SLC12A7: variants seen among roughly 807,000 people sequenced by gnomAD.
SLC12A7 encodes the protein solute carrier family 12 member 7, also known as K-Cl cotransporter 4.
Under a neutral mutation model 120.6 loss-of-function variants are expected in SLC12A7, and 100 were observed. That is an observed-to-expected ratio of 0.83 (90% confidence interval 0.71 to 0.98). The LOEUF (loss-of-function observed/expected upper bound fraction) is 0.98. Among genes scored for constraint, SLC12A7 ranks in the 50% least tolerant of loss-of-function variants. The pLI, the probability that SLC12A7 is intolerant of heterozygous loss-of-function variation, is 0.00. For missense variants in SLC12A7, 1,373 were observed against 1,548.1 expected (o/e 0.89, Z 1.90); for synonymous variants, 760 against 678.0 (o/e 1.12, Z -1.88).
At chr5:1,132,040 G>A in the SLC12A7 span, among the ~76,000 whole-genome samples, 3 of 152,324 alleles carry the variant, frequency 2.0e-5, no homozygotes, top group East Asian at 1.9e-4. Context: ...GAGACGGGAC[G>A]ACCGCGCAAG....
chr5:1,100,458 T>C (rs1579432413), intron 1 of SLC12A7, among the ~76,000 whole-genome samples: 1 of 152,288 alleles, frequency 6.6e-6, no homozygotes, highest in South Asian at 2.1e-4. Flanking sequence ...CCTGGGTTAC[T>C]CCACAGCACA....
chr5:1,085,777 AC>A (rs1470857437), intron 6 of SLC12A7, among the ~76,000 whole-genome samples: 2 of 152,106 alleles, frequency 1.3e-5, no homozygotes, highest in African/African-American at 4.8e-5. Flanking sequence ...CCCAGGAACC[AC>A]CCGGGAGCCT....
At chr5:1,080,269 GCCCTCCACCCA>G (rs1738880160) in intron 9 of SLC12A7, among the ~76,000 whole-genome samples, 1 of 97,052 alleles carries the variant, frequency 1.0e-5, no homozygotes, top group Admixed American at 8.8e-5. Context: ...CTGCCCCCAC[GCCCTCCACCCA>G]CGGCGCGGAG....
intron 1 of SLC12A7, among the ~76,000 whole-genome samples, chr5:1,105,569 C>CAGCTCATCGTTCAGG (rs1424130179): frequency 2.0e-5 from 3 of 152,386 alleles, no homozygotes; most frequent in African/African-American, 7.2e-5. Flanking sequence ...GCCAGCCAGG[C>CAGCTCATCGTTCAGG]AGCTCATCGT....
chr5:1,078,609 C>T lies in SLC12A7; in HGVS notation c.1454+92G>A, dbSNP rs544801171. 6.6e-5 allele frequency: 70 copies of T among 1,064,630 alleles called. No homozygotes were observed. In the South Asian group the frequency reaches 8.4e-4, roughly 13 times the overall value. 65.9% of individuals were successfully genotyped at this position (1,064,630 alleles called of 1,614,324 possible). On this transcript the variant is annotated intron_variant, in intron 11 of 23. Transcript: ENST00000264930. ...TCAGCTCTGCACGCGGACATGAAGT[C>T]CTAGGGCGATGTAATTTCAAAGCCG...
chr5:1,125,463 T>TA, the SLC12A7 span, among the ~76,000 whole-genome samples: 6 of 152,156 alleles, frequency 3.9e-5, no homozygotes, highest in Non-Finnish European at 4.4e-5. Context: ...GTCAACATGT[T>TA]AGAAATTGTA....
At chr5:1,099,909 G>A (rs991542737) in intron 1 of SLC12A7, among the ~76,000 whole-genome samples, 8 of 152,184 alleles carry the variant, frequency 5.3e-5, no homozygotes, top group African/African-American at 1.9e-4. Flanking sequence ...GAATTCCGGG[G>A]TCCCCCAGGC....
In SLC12A7 at chr5:1,111,880, G is replaced by C. The variant is rs1020853881; in HGVS notation, c.112C>G (p.Arg38Gly). 5 of 1,220,760 alleles carry C rather than the reference G, an allele frequency of 4.1e-6. No homozygotes were observed. In the Admixed American group the frequency reaches 2.2e-4, roughly 53 times the overall value. The allele number at this position is 1,220,760 out of a possible 1,614,324, so 75.6% of individuals were successfully genotyped here. A position where few individuals can be genotyped will look rare whatever the true frequency, so the allele number is the denominator to read the frequency against. The change falls in exon 1 of 24, where the codon CGC (arginine) becomes GGC (glycine). Residue 38 changes from arginine to glycine, a missense_variant. Arg to Gly is a moderately radical substitution (Grantham distance 125). Transcript: ENST00000264930. The stretch of plus-strand genomic sequence containing the variant: ...CGGCCGCGCTCACCCGGGCTGGGGC[G>C]CTCGGGCTCGGGGCCCTCGGGGGTG... ...PGTPEGPEPE[R>G]PSPGDGNPRE...
At chr5:1,115,532 C>T (rs1024551322), upstream of SLC12A7, among the ~76,000 whole-genome samples, 15 of 152,192 alleles carry the variant, frequency 9.9e-5, no homozygotes, top group South Asian at 2.1e-4. Flanking sequence ...TCTCCTGGTG[C>T]GCCATCTGCA....
the SLC12A7 span, among the ~76,000 whole-genome samples, chr5:1,130,689 G>A: frequency 1.3e-5 from 2 of 150,430 alleles, no homozygotes; most frequent in African/African-American, 2.5e-5. Flanking sequence ...TGCCTGCCCA[G>A]AGGGAGCAGC....
the SLC12A7 span, among the ~76,000 whole-genome samples, chr5:1,119,908 G>T: frequency 6.6e-6 from 1 of 152,100 alleles, no homozygotes; most frequent in Non-Finnish European, 1.5e-5. Context: ...CTGCCTCCCC[G>T]CAAAAATCCA....
upstream of SLC12A7, among the ~76,000 whole-genome samples, chr5:1,113,263 G>A (rs191597069): frequency 4.6e-5 from 7 of 152,342 alleles, no homozygotes; most frequent in East Asian, 3.9e-4. Context: ...CTCTTGTCAC[G>A]TGGAAAATGG....
intron 1 of SLC12A7, among the ~76,000 whole-genome samples, chr5:1,100,716 G>A (rs60833263): frequency 0.42 from 63,199 of 152,118 alleles, 14,929 homozygotes; most frequent in Non-Finnish European, 0.55. Context: ...GGCTAACCAC[G>A]AGAGAAAACA....
intron 1 of SLC12A7, among the ~76,000 whole-genome samples, chr5:1,094,781 T>G (rs967283366): frequency 6.6e-6 from 1 of 152,168 alleles, no homozygotes; most frequent in Admixed American, 6.5e-5. Context: ...TGTTCCCTGT[T>G]GAGGACGCCG....
chr5:1,099,388 A>G (rs67037922), intron 1 of SLC12A7, among the ~76,000 whole-genome samples: 18,606 of 58,398 alleles, frequency 0.32, 2,249 homozygotes, highest in African/African-American at 0.41. Flanking sequence ...TCCGGGGGAC[A>G]GCAGGGCCCG....
chr5:1,058,246 G>C (rs140942933), intron 21 of SLC12A7, among the ~76,000 whole-genome samples: 1 of 152,244 alleles, frequency 6.6e-6, no homozygotes, highest in Non-Finnish European at 1.5e-5. Flanking sequence ...AGCTGTAGGC[G>C]CCGAAGGGGA....
chr5:1,140,365 G>A, the SLC12A7 span, among the ~76,000 whole-genome samples: 9 of 152,184 alleles, frequency 5.9e-5, no homozygotes, highest in Admixed American at 5.9e-4. Context: ...AGCCACACCT[G>A]CGTCTCCATC....
At chr5:1,124,735 C>T in the SLC12A7 span, among the ~76,000 whole-genome samples, 41 of 152,112 alleles carry the variant, frequency 2.7e-4, no homozygotes, top group Non-Finnish European at 5.1e-4. Flanking sequence ...ACTGGGGCGA[C>T]GACCGTGAGA....
the SLC12A7 span, among the ~76,000 whole-genome samples, chr5:1,148,293 G>A: frequency 4.5e-5 from 6 of 133,284 alleles, no homozygotes; most frequent in Admixed American, 8.8e-5. Flanking sequence ...TGCAAGCTCC[G>A]CCTCCCAGGT....
Sources: gnomAD v4.1 joint callset for allele counts (sites outside exome capture counted in the v4.1 genomes callset) on GRCh38, gnomAD v4.1.1 for gene constraint, MANE v1.5 for transcripts, NCBI Gene and HGNC (gene_info 2026-07-23, HGNC 2026-07-21) for gene names.